The following SHROOM4 variants were observed in gnomAD, a reference collection of about 807,000 sequenced individuals.
SHROOM4 encodes shroom family member 4.
A neutral mutation model predicts 80.3 loss-of-function variants in SHROOM4; 17 were observed. The ratio of observed to expected loss-of-function variants is 0.21; its 90% confidence interval spans 0.14 to 0.32. The LOEUF (loss-of-function observed/expected upper bound fraction) is 0.32, where lower values mean the gene tolerates loss of function less well. SHROOM4 is among the 10% of genes least tolerant of loss of function. The probability of loss-of-function intolerance (pLI) is 1.00; values close to 1 mark genes in which losing one functional copy is unlikely to be tolerated. For missense variants in SHROOM4, 993 were observed against 1,140.3 expected (o/e 0.87, Z 1.86); for synonymous variants, 400 against 437.5 (o/e 0.91, Z 1.07).
rs782558474 is a variant in SHROOM4, at chrX:50,593,527, C to G, written c.*3168G>C. On this transcript the variant is annotated 3_prime_UTR_variant, in exon 9 of 9. Coordinates refer to ENST00000376020, the MANE Select transcript of SHROOM4 (RefSeq NM_020717.5). ...TCATCTATAGAAACTGTCCCCTGCC[C>G]CACCCCCCCAAAAAGATCTACTAAT... The G allele has an allele frequency of 6.2e-5, 3 of 48,092 alleles. No individual in the cohort carries two copies. 4.0% of individuals were successfully genotyped at this position (48,092 alleles called of 1,213,427 possible).
chrX:50,734,740 C>T (rs1054000876), intron 1 of SHROOM4, among the ~76,000 whole-genome samples: 6 of 111,152 alleles, frequency 5.4e-5, no homozygotes, highest in Non-Finnish European at 9.4e-5. Context: ...ATTGTAGCTC[C>T]CATAATTCCC....
intron 2 of SHROOM4, among the ~76,000 whole-genome samples, chrX:50,684,946 T>C (rs1490543093): frequency 8.9e-6 from 1 of 112,005 alleles, no homozygotes; most frequent in Non-Finnish European, 1.9e-5. Flanking sequence ...CTGCAGGCAG[T>C]TGGAGCTTTT....
At chrX:50,637,123 C>G (rs895047427) in intron 3 of SHROOM4, among the ~76,000 whole-genome samples, 2 of 111,775 alleles carry the variant, frequency 1.8e-5, no homozygotes, top group East Asian at 5.7e-4. Context: ...GGATCAGATG[C>G]AATCTTCAAT....
At chrX:50,611,136 C>CTTTTT (rs1432209307) in intron 5 of SHROOM4, among the ~76,000 whole-genome samples, 15 of 72,915 alleles carry the variant, frequency 2.1e-4, no homozygotes, top group Non-Finnish European at 2.9e-4. Flanking sequence ...ACCATATTTT[C>CTTTTT]TTTTTTTCTT....
In SHROOM4 at chrX:50,813,882, C is replaced by G. The variant is rs1226660576; in HGVS notation, c.117+20G>C. 18 of 1,113,633 alleles carry G rather than the reference C, an allele frequency of 1.6e-5. No homozygotes were observed. Among genetic ancestry groups the G allele is most frequent in the Non-Finnish European group, 2.2e-5 (18 of 809,192 alleles). The allele number at this position is 1,113,633 out of a possible 1,213,427, so 91.8% of individuals were successfully genotyped here. Reference sequence around the variant, plus strand: ...CATTCAAAGTTAGGCGCCGTTAGGACATCAGCCGCCAGTTCTTACCTTAGA... The same window carrying G: ...CATTCAAAGTTAGGCGCCGTTAGGAGATCAGCCGCCAGTTCTTACCTTAGA... On this transcript the variant is annotated intron_variant, in intron 1 of 8. Coordinates refer to ENST00000376020, the MANE Select transcript of SHROOM4 (RefSeq NM_020717.5).
In SHROOM4 at chrX:50,814,068, T is replaced by A. The variant is rs1557273814; in HGVS notation, c.-50A>T. On this transcript the variant is annotated 5_prime_UTR_variant, in exon 1 of 9. Transcript: ENST00000376020. Reference sequence around the variant, plus strand: ...GGGCTCCTTTTCCGAGGGGGCTACGTTGCCTCCGCCCCCAGCAGCTCCGCC... The same window carrying A: ...GGGCTCCTTTTCCGAGGGGGCTACGATGCCTCCGCCCCCAGCAGCTCCGCC... 1.1e-6 allele frequency: 1 copy of A among 913,882 alleles called. No individual in the cohort carries two copies. Among genetic ancestry groups the A allele is most frequent in the Non-Finnish European group, 1.6e-6 (1 of 631,714 alleles). The allele number at this position is 913,882 out of a possible 1,213,427, so 75.3% of individuals were successfully genotyped here. A position where few individuals can be genotyped will look rare whatever the true frequency, so the allele number is the denominator to read the frequency against.
chrX:50,676,025 A>G (rs1420206446), intron 2 of SHROOM4, among the ~76,000 whole-genome samples: 2 of 111,960 alleles, frequency 1.8e-5, no homozygotes, highest in East Asian at 5.6e-4. Flanking sequence ...TTTATTACTG[A>G]CTGCAGAAAG....
intron 5 of SHROOM4, among the ~76,000 whole-genome samples, chrX:50,620,996 C>G (rs1431358846): frequency 1.8e-5 from 2 of 111,504 alleles, no homozygotes; most frequent in Non-Finnish European, 3.8e-5. Flanking sequence ...GCTTCCCCCC[C>G]ACCAACTTTT....
chrX:50,582,169 A>G (rs1467142650), downstream of SHROOM4, among the ~76,000 whole-genome samples: 1 of 111,624 alleles, frequency 9.0e-6, no homozygotes, highest in African/African-American at 3.3e-5. Flanking sequence ...GCTTGTTTGG[A>G]AAAAGCAGCC....
rs782719215 is a variant in SHROOM4, at chrX:50,607,535, C to A, written c.3607G>T (p.Ala1203Ser). Residue 1203 changes from alanine (A) to serine (S), a missense_variant, in exon 6 of 9, where the codon GCA (alanine) becomes TCA (serine). Physicochemically the swap from Ala to Ser is moderately conservative, Grantham distance 99. Coordinates refer to ENST00000376020, the MANE Select transcript of SHROOM4 (RefSeq NM_020717.5). ...GSRQGSQSVP[A>S]EQESFALHSS... is the part of the protein sequence containing the mutation. ...TGGAGTGCAAAGGATTCTTGCTCTG[C>A]TGGGACACTTTGTGAACCCTGTCTC... 8.3e-7 allele frequency: 1 copy of A among 1,211,458 alleles called. No individual in the cohort carries two copies. Among genetic ancestry groups the A allele is most frequent in the Non-Finnish European group, 1.1e-6 (1 of 895,470 alleles).
chrX:50,576,042 T>A, the SHROOM4 span, among the ~76,000 whole-genome samples: 1 of 112,046 alleles, frequency 8.9e-6, no homozygotes. Flanking sequence ...GAATAGAGTT[T>A]CCAATCCATA....
At chrX:50,598,155 T>C in intron 8 of SHROOM4, 111 bp downstream of exon 8, 1 of 1,067,761 alleles carries the variant, frequency 9.4e-7, no homozygotes. Context: ...CTCACATGCT[T>C]TTAATCCCAT....
chrX:50,637,544 A>G (rs151182257), intron 3 of SHROOM4, among the ~76,000 whole-genome samples: 33 of 112,778 alleles, frequency 2.9e-4, no homozygotes, highest in African/African-American at 8.7e-4. Context: ...GTTTCCAAAT[A>G]AAGTCACCGA....
At chrX:50,730,284 G>A (rs782090236) in intron 1 of SHROOM4, among the ~76,000 whole-genome samples, 2 of 109,382 alleles carry the variant, frequency 1.8e-5, no homozygotes. Context: ...AAAGTTAGCC[G>A]GGAGTGATGT....
intron 1 of SHROOM4, among the ~76,000 whole-genome samples, chrX:50,705,163 AC>A (rs1246996449): frequency 1.8e-5 from 2 of 111,833 alleles, no homozygotes; most frequent in Admixed American, 9.5e-5. Context: ...GTTCCAAGCT[AC>A]TGTCCTGTTC....
chrX:50,610,728 A>T (rs1557249669), intron 5 of SHROOM4, among the ~76,000 whole-genome samples: 1 of 111,941 alleles, frequency 8.9e-6, no homozygotes, highest in East Asian at 2.8e-4. Context: ...TATGATACTC[A>T]TTTCATACAT....
At position 50,695,931 on chromosome X, in the gene SHROOM4, C is replaced by G; in HGVS notation, c.124G>C (p.Asp42His). The change falls in exon 2 of 9, where the codon GAT becomes CAT. Residue 42 changes from aspartate to histidine, a missense_variant. Physicochemically the swap from Asp to His is moderately conservative, Grantham distance 81. Transcript: ENST00000376020. ...TGGGACAAAGCTGCCTTGCCTCCAT[C>G]TTCAATCTGTGTTGCAGAGAACAAA... ...CEPLTVSKIE[D>H]GGKAALSQKM... is the part of the protein sequence containing the mutation. The G allele has an allele frequency of 9.9e-6, 12 of 1,211,917 alleles. No homozygotes were observed. Among genetic ancestry groups the G allele is most frequent in the Non-Finnish European group, 1.3e-5 (12 of 895,504 alleles).
intron 2 of SHROOM4, among the ~76,000 whole-genome samples, chrX:50,676,000 A>G (rs1475675550): frequency 8.9e-6 from 1 of 111,741 alleles, no homozygotes; most frequent in Non-Finnish European, 1.9e-5. Context: ...AAAATTCCAT[A>G]GCTTTCTTTG....
chrX:50,672,455 T>C, intron 2 of SHROOM4, among the ~76,000 whole-genome samples: 1 of 110,986 alleles, frequency 9.0e-6, no homozygotes, highest in African/African-American at 3.3e-5. Flanking sequence ...ATCAGTACAG[T>C]TGAAGATAGA....
Sources: gnomAD v4.1 joint callset for allele counts (sites outside exome capture counted in the v4.1 genomes callset) on GRCh38, gnomAD v4.1.1 for gene constraint, MANE v1.5 for transcripts, NCBI Gene and HGNC (gene_info 2026-07-23, HGNC 2026-07-21) for gene names.